The following NOLC1 variants were observed in gnomAD, a reference collection of about 807,000 sequenced individuals.
The protein encoded by NOLC1 is 140 kDa nucleolar phosphoprotein.
In NOLC1, 37 loss-of-function variants were observed where a neutral mutation model predicts 73.4. That is an observed-to-expected ratio of 0.50 (90% CI 0.39 to 0.66). NOLC1 has a LOEUF of 0.66. Ranked by LOEUF, NOLC1 falls within the 30% of genes least tolerant of loss-of-function variation. NOLC1 has a pLI of 0.00. For missense variants in NOLC1, 921 were observed against 838.9 expected (o/e 1.10, Z -1.21); for synonymous variants, 327 against 302.6 (o/e 1.08, Z -0.84).
chr10:102,161,498 C>A, intron 10 of NOLC1, 58 bp from the exon 11 acceptor site: 2 of 1,326,330 alleles, frequency 1.5e-6, no homozygotes, highest in Non-Finnish European at 2.2e-6. Flanking sequence ...TCCCAAAATG[C>A]TGGGGTTACA....
Position 102,152,458 on chromosome 10 carries a change from C to T in NOLC1, c.48C>T (p.Pro16=). ...GCGTGGTTCCCAGCGACCTGTATCC[C>T]CTCGTGCTCGGCTTCCTGCGCGATA... The part of the protein sequence containing the change: ...IRRVVPSDLY[P]LVLGFLRDNQ... Residue 16 remains proline, a synonymous_variant, in exon 1 of 13, where the codon CCC becomes CCT. Transcript: ENST00000605788. 6.2e-7 allele frequency: 1 copy of T among 1,613,436 alleles called. No individual in the cohort carries two copies. Among genetic ancestry groups the T allele is most frequent in the East Asian group, 2.2e-5 (1 of 44,880 alleles).
Position 102,152,544 on chromosome 10 carries a change from T to C in NOLC1, c.120+14T>C. On this transcript the variant is annotated intron_variant, in intron 1 of 12. Transcript: ENST00000605788. ...GCGACAGGAGCTGTGAGTTCCGGGC[T>C]TGGGGCGGGGACCGGGCTGAGATGA... 6.2e-7 allele frequency: 1 copy of C among 1,613,330 alleles called. No individual in the cohort carries two copies. Among genetic ancestry groups the C allele is most frequent in the Middle Eastern group, 1.6e-4 (1 of 6,062 alleles).
chr10:102,162,434 T>C lies in NOLC1; in HGVS notation c.*165T>C, dbSNP rs761888772. 164 of 592,722 alleles carry C rather than the reference T, an allele frequency of 2.8e-4. 1 individual carries two copies. Among genetic ancestry groups the C allele is most frequent in the Admixed American group, 1.0e-4 (3 of 28,792 alleles). 36.7% of individuals were successfully genotyped at this position (592,722 alleles called of 1,614,324 possible). A position where few individuals can be genotyped will look rare whatever the true frequency, so the allele number is the denominator to read the frequency against. Reference sequence around the variant, plus strand: ...TAACATCCTCTCTGGTCCTTTTCTGTGTTCCTAGTTTTGTACAGACTTGTT... The same window carrying C: ...TAACATCCTCTCTGGTCCTTTTCTGCGTTCCTAGTTTTGTACAGACTTGTT... On this transcript the variant is annotated 3_prime_UTR_variant, in exon 13 of 13. Transcript: ENST00000605788.
chr10:102,157,571 A>T lies in NOLC1; in HGVS notation c.441+16A>T. ...GCCTGTCCAGGTTTGCAGCTTTGGG[A>T]AGAAAAAGGGGTTTAAGGATTAGAA... On this transcript the variant is annotated intron_variant, in intron 4 of 12. Coordinates refer to ENST00000605788, the MANE Select transcript of NOLC1 (RefSeq NM_004741.5). 1.2e-6 allele frequency: 2 copies of T among 1,611,940 alleles called. No individual in the cohort carries two copies. The highest frequency in any genetic ancestry group is 1.7e-6 in the Non-Finnish European group (2 of 1,179,140).
chr10:102,160,896 A>T lies in NOLC1; in HGVS notation c.1544A>T (p.Glu515Val). 1.2e-6 allele frequency: 2 copies of T among 1,614,206 alleles called. No individual in the cohort carries two copies. The highest frequency in any genetic ancestry group is 1.7e-6 in the Non-Finnish European group (2 of 1,180,032). The change falls in exon 10 of 13, where the codon GAG (glutamate) becomes GTG (valine). Residue 515 changes from glutamate (E) to valine (V), a missense_variant. By Grantham distance (121) the Glu-to-Val change is moderately radical (BLOSUM62 -2). Transcript: ENST00000605788. ...KPASAKKGKAESSNSSSSDDS... is the reference protein window; with the variant it reads ...KPASAKKGKAVSSNSSSSDDS... ...GCCTCTGCAAAGAAAGGAAAGGCTG[A>T]GAGCAGCAACAGTTCTTCTTCTGAT...
At chr10:102,155,763 C>G (rs955128240) in intron 1 of NOLC1, among the ~76,000 whole-genome samples, 3 of 151,786 alleles carry the variant, frequency 2.0e-5, no homozygotes, top group African/African-American at 7.3e-5. Flanking sequence ...CTACCTCGAC[C>G]TCCCATAGTG....
In NOLC1 at chr10:102,161,934, G is replaced by C; in HGVS notation, c.1941+9G>C. The C allele has an allele frequency of 1.2e-6, 2 of 1,613,524 alleles. No individual in the cohort carries two copies. The highest frequency in any genetic ancestry group is 1.7e-6 in the Non-Finnish European group (2 of 1,179,448). Reference sequence around the variant, plus strand: ...ACTCCTTTGATGCCAAGGTGAGAGAGAGATCTGTGCCATTCTTGGGAGGGA... The same window carrying C: ...ACTCCTTTGATGCCAAGGTGAGAGACAGATCTGTGCCATTCTTGGGAGGGA... On this transcript the variant is annotated intron_variant, in intron 12 of 12. Transcript: ENST00000605788.
chr10:102,152,400 T>C lies in NOLC1; in HGVS notation c.-11T>C. The stretch of plus-strand genomic sequence containing the variant: ...GCGTCGACAACGGTAGTGACGCGTA[T>C]TGCCTGGAGGATGGCGGACGCCGGC... On this transcript the variant is annotated 5_prime_UTR_variant, in exon 1 of 13. Transcript: ENST00000605788. The C allele has an allele frequency of 2.5e-6, 4 of 1,608,386 alleles. No homozygotes were observed. The highest frequency in any genetic ancestry group is 1.3e-5 in the African/African-American group (1 of 75,070).
In NOLC1 at chr10:102,160,571, A is replaced by G. The variant is rs749109591; in HGVS notation, c.1219A>G (p.Lys407Glu). ...TGCAGTGAAGCCAGCTGCAGCCCCC[A>G]AGCAACCTGTGGGCGGTGGCCAGAA... is the stretch of plus-strand genomic sequence containing the variant. ...SPAVKPAAAP[K>E]QPVGGGQKLL... The change falls in exon 10 of 13, where the codon AAG becomes GAG. Residue 407 changes from lysine (K) to glutamate (E), a missense_variant. Coordinates refer to ENST00000605788, the MANE Select transcript of NOLC1 (RefSeq NM_004741.5). 11 of 1,614,156 alleles carry G rather than the reference A, an allele frequency of 6.8e-6. No homozygotes were observed. In the Admixed American group the frequency reaches 1.8e-4, roughly 27 times the overall value.
chr10:102,159,510 T>G lies in NOLC1; in HGVS notation c.801T>G (p.Ser267Arg). The change falls in exon 7 of 13, where the codon AGT becomes AGG. Residue 267 changes from serine to arginine, a missense_variant. Coordinates refer to ENST00000605788, the MANE Select transcript of NOLC1 (RefSeq NM_004741.5). ...ATTPTRKSSS[S>R]EDSSSDEEEE... ...CCCCTACCCGGAAGAGTTCTAGCAGTGAGGATTCCTCCAGTGACGAGGAAG... is the reference window on the plus strand; with the variant it reads ...CCCCTACCCGGAAGAGTTCTAGCAGGGAGGATTCCTCCAGTGACGAGGAAG... 2.5e-6 allele frequency: 4 copies of G among 1,614,046 alleles called. No individual in the cohort carries two copies. Among genetic ancestry groups the G allele is most frequent in the Non-Finnish European group, 2.5e-6 (3 of 1,180,014 alleles).
At chr10:102,158,267 CTG>C (rs1316748557) in intron 5 of NOLC1, 53 bp downstream of exon 5, 22 of 1,540,870 alleles carry the variant, frequency 1.4e-5, no homozygotes, top group Non-Finnish European at 1.7e-5. Flanking sequence ...GCTCTGGGGA[CTG>C]GAGTTAAAAT....
chr10:102,152,484 A>T lies in NOLC1; in HGVS notation c.74A>T (p.Asn25Ile). Residue 25 changes from asparagine to isoleucine, a missense_variant, in exon 1 of 13, where the codon AAC becomes ATC. By Grantham distance (149) the Asn-to-Ile change is moderately radical (BLOSUM62 -3). Coordinates refer to ENST00000605788, the MANE Select transcript of NOLC1 (RefSeq NM_004741.5). The stretch of plus-strand genomic sequence containing the variant: ...CTCGTGCTCGGCTTCCTGCGCGATA[A>T]CCAACTCTCAGAGGTGGCCAATAAG... ...YPLVLGFLRD[N>I]QLSEVANKFA... 1 of 1,613,798 alleles carries T rather than the reference A, an allele frequency of 6.2e-7. No individual in the cohort carries two copies. Among genetic ancestry groups the T allele is most frequent in the Non-Finnish European group, 8.5e-7 (1 of 1,180,024 alleles).
chr10:102,159,686 C>G, intron 7 of NOLC1, 118 bp downstream of exon 7: 1 of 1,173,934 alleles, frequency 8.5e-7, no homozygotes, highest in Non-Finnish European at 1.2e-6. Context: ...CTAGCTTCTC[C>G]GAGCACTAGT....
In NOLC1 at chr10:102,160,986, A is replaced by C; in HGVS notation, c.1634A>C (p.Lys545Thr). The change falls in exon 10 of 13, where the codon AAG (lysine) becomes ACG (threonine). Residue 545 changes from lysine (K) to threonine (T), a missense_variant. Physicochemically the swap from Lys to Thr is moderately conservative, Grantham distance 78. Coordinates refer to ENST00000605788, the MANE Select transcript of NOLC1 (RefSeq NM_004741.5). ...GGCTCTCCAAGACCACAAGCCCCCA[A>C]GGCCAATGGCACCTCTGCACTGACT... Reference protein sequence around the residue: ...GKGSPRPQAPKANGTSALTAQ... With the variant: ...GKGSPRPQAPTANGTSALTAQ... 1 of 1,614,206 alleles carries C rather than the reference A, an allele frequency of 6.2e-7. No homozygotes were observed. The highest frequency in any genetic ancestry group is 8.5e-7 in the Non-Finnish European group (1 of 1,180,040).
At chr10:102,160,389 G>A (rs1227382392) in intron 9 of NOLC1, 46 bp downstream of exon 9, 1 of 1,612,930 alleles carries the variant, frequency 6.2e-7, no homozygotes, top group Non-Finnish European at 8.5e-7. Context: ...CTCTCAGGCA[G>A]CTGCTAAGGG....
intron 7 of NOLC1, 71 bp downstream of exon 7, chr10:102,159,639 TCC>T: frequency 6.8e-7 from 1 of 1,479,360 alleles, no homozygotes; most frequent in Non-Finnish European, 9.2e-7. Flanking sequence ...CATGGACCTC[TCC>T]ATAGAGGTGC....
Position 102,162,382 on chromosome 10 carries a change from T to C in NOLC1, c.*113T>C. On this transcript the variant is annotated 3_prime_UTR_variant, in exon 13 of 13. Coordinates refer to ENST00000605788, the MANE Select transcript of NOLC1 (RefSeq NM_004741.5). Reference sequence around the variant, plus strand: ...GAGGGTCTTGATGAGGACAGAAGTTTAGAGTAGGTCCTAAGACTTTACAGT... The same window carrying C: ...GAGGGTCTTGATGAGGACAGAAGTTCAGAGTAGGTCCTAAGACTTTACAGT... 4.4e-6 allele frequency: 5 copies of C among 1,128,586 alleles called. No homozygotes were observed. Among genetic ancestry groups the C allele is most frequent in the Non-Finnish European group, 3.8e-6 (3 of 783,542 alleles). 69.9% of individuals were successfully genotyped at this position (1,128,586 alleles called of 1,614,324 possible). A position where few individuals can be genotyped will look rare whatever the true frequency, so the allele number is the denominator to read the frequency against.
chr10:102,160,892 G>C lies in NOLC1; in HGVS notation c.1540G>C (p.Ala514Pro), dbSNP rs1306654030. The change falls in exon 10 of 13, where the codon GCT becomes CCT. Residue 514 changes from alanine to proline, a missense_variant. Coordinates refer to ENST00000605788, the MANE Select transcript of NOLC1 (RefSeq NM_004741.5). ...GCCAGCCTCTGCAAAGAAAGGAAAGGCTGAGAGCAGCAACAGTTCTTCTTC... is the reference window on the plus strand; with the variant it reads ...GCCAGCCTCTGCAAAGAAAGGAAAGCCTGAGAGCAGCAACAGTTCTTCTTC... ...SKPASAKKGK[A>P]ESSNSSSSDD... is the part of the protein sequence containing the mutation. The C allele has an allele frequency of 1.2e-6, 2 of 1,614,068 alleles. No individual in the cohort carries two copies. Among genetic ancestry groups the C allele is most frequent in the African/African-American group, 1.3e-5 (1 of 74,918 alleles).
intron 9 of NOLC1, 30 bp downstream of exon 9, chr10:102,160,373 G>A (rs752818938): frequency 1.2e-6 from 2 of 1,613,328 alleles, no homozygotes; most frequent in East Asian, 2.2e-5. Context: ...TCAGTTCAGT[G>A]AGATGCTCTC....
Sources: gnomAD v4.1 joint callset for allele counts (sites outside exome capture counted in the v4.1 genomes callset) on GRCh38, gnomAD v4.1.1 for gene constraint, MANE v1.5 for transcripts, NCBI Gene and HGNC (gene_info 2026-07-23, HGNC 2026-07-21) for gene names.